The following USP15 variants were observed in gnomAD, a reference collection of about 807,000 sequenced individuals.
USP15 encodes ubiquitin carboxyl-terminal hydrolase 15.
Under a neutral mutation model 127.1 loss-of-function variants are expected in USP15, and 18 were observed. The ratio of observed to expected loss-of-function variants is 0.14; its 90% confidence interval spans 0.10 to 0.21. The LOEUF is 0.21. Ranked by LOEUF, USP15 falls within the 10% of genes least tolerant of loss-of-function variation. The pLI is 1.00. For synonymous variants in USP15, 364 were observed against 393.7 expected (o/e 0.92, Z 0.89); for missense variants, 805 against 1,159.9 (o/e 0.69, Z 4.44).
rs1249872123 is a variant in USP15 at position 62,414,167 on chromosome 12, T to C, written c.*9792T>C. 6.6e-6 allele frequency: 1 copy of C among 152,200 alleles called. No homozygotes were observed. The highest frequency in any genetic ancestry group is 6.5e-5 in the Admixed American group (1 of 15,272). 9.4% of individuals were successfully genotyped at this position (152,200 alleles called of 1,614,324 possible). The stretch of plus-strand genomic sequence containing the variant: ...AATAATAATGAAGACATTTGAAATG[T>C]GAGAAGTACCAAGATATGACACACA... On this transcript the variant is annotated 3_prime_UTR_variant, in exon 22 of 22. Coordinates refer to ENST00000280377, the MANE Select transcript of USP15 (RefSeq NM_001252078.2).
chr12:62,378,037 A>G (rs780683305), intron 8 of USP15, among the ~76,000 whole-genome samples: 1 of 151,524 alleles, frequency 6.6e-6, no homozygotes, highest in Non-Finnish European at 1.5e-5. Context: ...CGAAACCCCA[A>G]CTCTACAAAA....
At chr12:62,368,244 T>C (rs1422944085) in intron 8 of USP15, among the ~76,000 whole-genome samples, 4 of 152,220 alleles carry the variant, frequency 2.6e-5, no homozygotes, top group African/African-American at 7.2e-5. Flanking sequence ...TGGTCAATTT[T>C]AGAATAAGTA....
At chr12:62,267,295 A>G (rs1289590304) in intron 1 of USP15, 2 of 152,190 alleles carry the variant, frequency 1.3e-5, no homozygotes, top group Non-Finnish European at 2.9e-5. Context: ...CCCAGTTTAC[A>G]CAAAAGTCAC....
At chr12:62,356,431 A>G (rs2066133392) in intron 8 of USP15, among the ~76,000 whole-genome samples, 1 of 151,974 alleles carries the variant, frequency 6.6e-6, no homozygotes, top group Admixed American at 6.6e-5. Context: ...CTTTTTGTAC[A>G]TCATCATTCA....
chr12:62,270,214 G>T (rs992563175), intron 1 of USP15, among the ~76,000 whole-genome samples: 1 of 151,844 alleles, frequency 6.6e-6, no homozygotes, highest in Non-Finnish European at 1.5e-5. Context: ...TAAAAAATTT[G>T]GTTATTTTGT....
At chr12:62,352,632 G>A (rs2065996330) in intron 7 of USP15, among the ~76,000 whole-genome samples, 1 of 151,864 alleles carries the variant, frequency 6.6e-6, no homozygotes, top group Non-Finnish European at 1.5e-5. Context: ...GCCTCAACAG[G>A]AACTGTGAAT....
At chr12:62,313,101 A>G (rs1367683545) in intron 3 of USP15, among the ~76,000 whole-genome samples, 1 of 151,554 alleles carries the variant, frequency 6.6e-6, no homozygotes, top group Admixed American at 6.6e-5. Context: ...TTTTCTGAGT[A>G]GTGATGATGA....
chr12:62,391,472 G>T lies in USP15; in HGVS notation c.2233+43G>T, dbSNP rs746007647. ...ATGGCTTGAACATTAAACAAGCCGA[G>T]CATGTTATTTTTTTTTTAGGTGAAA... On this transcript the variant is annotated intron_variant, in intron 16 of 21. Transcript: ENST00000280377. 9.6e-6 allele frequency: 15 copies of T among 1,568,340 alleles called. No individual in the cohort carries two copies. In the African/African-American group the frequency reaches 2.0e-4, roughly 21 times the overall value.
chr12:62,269,466 T>C (rs2063291407), intron 1 of USP15, among the ~76,000 whole-genome samples: 1 of 152,130 alleles, frequency 6.6e-6, no homozygotes, highest in South Asian at 2.1e-4. Flanking sequence ...TCACCCAGAC[T>C]GAAATGCAGT....
At chr12:62,347,309 A>G (rs1441096309) in intron 6 of USP15, among the ~76,000 whole-genome samples, 7 of 151,132 alleles carry the variant, frequency 4.6e-5, no homozygotes, top group Non-Finnish European at 8.8e-5. Context: ...GTGTGTACAT[A>G]TATATATGTA....
intron 1 of USP15, among the ~76,000 whole-genome samples, chr12:62,280,800 A>C (rs1350156136): frequency 6.6e-6 from 1 of 152,174 alleles, no homozygotes; most frequent in Non-Finnish European, 1.5e-5. Context: ...TTGCAGCTGG[A>C]TCTGGGCACA....
chr12:62,361,253 C>A (rs1280065927), intron 8 of USP15, among the ~76,000 whole-genome samples: 2 of 151,964 alleles, frequency 1.3e-5, no homozygotes, highest in Non-Finnish European at 2.9e-5. Context: ...TGAAAACATG[C>A]CTTTCTTAAT....
rs564027929 is a variant in USP15 at position 62,304,922 on chromosome 12, G to A, written c.348+2002G>A. 2.6e-4 allele frequency: 60 copies of A among 228,948 alleles called. No homozygotes were observed. In the Middle Eastern group the frequency reaches 7.5e-3, roughly 28 times the overall value. 14.2% of individuals were successfully genotyped at this position (228,948 alleles called of 1,614,324 possible). ...AAAACTAATAATATGGAAATTTTAT[G>A]GATTTAATGTTTGGGAATAAAATTA... On this transcript the variant is annotated intron_variant, in intron 3 of 21. Coordinates refer to ENST00000280377, the MANE Select transcript of USP15 (RefSeq NM_001252078.2).
At chr12:62,364,491 C>G (rs1014481362) in intron 8 of USP15, among the ~76,000 whole-genome samples, 5 of 152,094 alleles carry the variant, frequency 3.3e-5, no homozygotes, top group Non-Finnish European at 7.4e-5. Context: ...TAATAAAAAG[C>G]AACCAAACTT....
chr12:62,408,196 C>T lies in USP15; in HGVS notation c.*3821C>T, dbSNP rs370531496. ...GGGTGTAGTAGGAGCTCTCTGCCTC[C>T]GAGAGGAGGAATATATTAGACTGAT... On this transcript the variant is annotated 3_prime_UTR_variant, in exon 22 of 22. Coordinates refer to ENST00000280377, the MANE Select transcript of USP15 (RefSeq NM_001252078.2). 9.9e-5 allele frequency: 15 copies of T among 151,798 alleles called. No homozygotes were observed. The highest frequency in any genetic ancestry group is 7.7e-4 in the East Asian group (4 of 5,182). 9.4% of individuals were successfully genotyped at this position (151,798 alleles called of 1,614,324 possible). A position where few individuals can be genotyped will look rare whatever the true frequency, so the allele number is the denominator to read the frequency against.
intron 7 of USP15, among the ~76,000 whole-genome samples, chr12:62,352,502 AT>A (rs1405154783): frequency 6.6e-6 from 1 of 151,984 alleles, no homozygotes; most frequent in African/African-American, 2.4e-5. Flanking sequence ...TTTTAAAAAT[AT>A]TTTTAACGTG....
intron 17 of USP15, 63 bp from the exon 18 acceptor site, chr12:62,392,209 T>C: frequency 9.7e-7 from 1 of 1,031,708 alleles, no homozygotes. Flanking sequence ...CATAGTAAGA[T>C]GGTATCACTA....
chr12:62,404,265 C>G lies in USP15; in HGVS notation c.2836C>G (p.Arg946Gly), dbSNP rs373511699. The G allele has an allele frequency of 1.2e-6, 2 of 1,613,088 alleles. No homozygotes were observed. Among genetic ancestry groups the G allele is most frequent in the African/African-American group, 2.7e-5 (2 of 74,928 alleles). The change falls in exon 22 of 22, where the codon CGA (arginine) becomes GGA (glycine). Residue 946 changes from arginine to glycine, a missense_variant. By Grantham distance (125) the Arg-to-Gly change is moderately radical. Around this residue, in one of 11 missense-constraint regions of USP15, gnomAD observed 116 missense variants for 157.2 expected, o/e 0.74. Transcript: ENST00000280377. ...FSGTGFFPLD[R>G]ETKGASAATG... is the part of the protein sequence containing the mutation. Reference sequence around the variant, plus strand: ...TGGAACTGGCTTTTTTCCTCTTGACCGAGAAACTAAAGGTGCTTCAGCTGC... The same window carrying G: ...TGGAACTGGCTTTTTTCCTCTTGACGGAGAAACTAAAGGTGCTTCAGCTGC...
At chr12:62,327,297 A>G (rs374776818) in intron 6 of USP15, among the ~76,000 whole-genome samples, 10 of 152,072 alleles carry the variant, frequency 6.6e-5, no homozygotes, top group South Asian at 2.1e-4. Context: ...TTCTTACCCT[A>G]CTTAGTTGGA....
Sources: allele counts gnomAD v4.1 joint callset (sites outside exome capture counted in the v4.1 genomes callset), GRCh38; gene constraint gnomAD v4.1.1; regional missense constraint gnomAD v4.1.1; transcripts MANE v1.5; gene names NCBI Gene and HGNC (gene_info 2026-07-23, HGNC 2026-07-21).